TBC1D19: variants seen among roughly 807,000 people sequenced by gnomAD.
TBC1D19 encodes the protein TBC1 domain family, member 19.
TBC1D19 carries 60 observed loss-of-function variants against 89.0 expected under a neutral mutation model. That is an observed-to-expected ratio of 0.67 (90% CI 0.55 to 0.84). TBC1D19 has a LOEUF of 0.84. Among genes scored for constraint, TBC1D19 ranks in the 40% least tolerant of loss-of-function variants. TBC1D19 has a pLI of 0.00. For synonymous variants in TBC1D19, 189 were observed against 199.7 expected (o/e 0.95, Z 0.45); for missense variants, 500 against 610.8 (o/e 0.82, Z 1.91).
chr4:26,740,018 T>A (rs941568110), intron 17 of TBC1D19, 45 bp downstream of exon 17: 1 of 1,261,734 alleles, frequency 7.9e-7, no homozygotes, highest in African/African-American at 1.5e-5. Context: ...TGGATTGTAA[T>A]CTATTCTTTC....
chr4:26,835,065 T>C, the TBC1D19 span, among the ~76,000 whole-genome samples: 20 of 152,342 alleles, frequency 1.3e-4, no homozygotes, highest in East Asian at 3.7e-3. Context: ...TGTTGTCTTA[T>C]GTGGCAAAAG....
At chr4:26,819,100 G>A in the TBC1D19 span, among the ~76,000 whole-genome samples, 1 of 152,214 alleles carries the variant, frequency 6.6e-6, no homozygotes, top group African/African-American at 2.4e-5. Context: ...TGGGGCAGCC[G>A]CTGGAAGCAA....
At chr4:26,648,730 C>T (rs1190161279) in intron 7 of TBC1D19, among the ~76,000 whole-genome samples, 1 of 152,136 alleles carries the variant, frequency 6.6e-6, no homozygotes, top group Non-Finnish European at 1.5e-5. Flanking sequence ...AAAAAACTGC[C>T]TTTATGATGA....
At chr4:26,778,252 A>G in the TBC1D19 span, among the ~76,000 whole-genome samples, 2 of 151,976 alleles carry the variant, frequency 1.3e-5, no homozygotes, top group Non-Finnish European at 2.9e-5. Context: ...CGTCTCTACT[A>G]AAAAATAGAA....
the TBC1D19 span, among the ~76,000 whole-genome samples, chr4:26,797,033 G>A: frequency 6.6e-6 from 1 of 152,116 alleles, no homozygotes; most frequent in Admixed American, 6.6e-5. Flanking sequence ...AAGTCATAGA[G>A]CAATCAGGCA....
intron 15 of TBC1D19, among the ~76,000 whole-genome samples, chr4:26,724,600 G>A (rs1480503200): frequency 6.6e-6 from 1 of 152,258 alleles, no homozygotes; most frequent in South Asian, 2.1e-4. Flanking sequence ...ATTTGACAGA[G>A]ATTTTCTTAA....
At chr4:26,692,308 G>T (rs145587673) in intron 13 of TBC1D19, among the ~76,000 whole-genome samples, 17 of 152,272 alleles carry the variant, frequency 1.1e-4, no homozygotes, top group African/African-American at 4.1e-4. Context: ...CCTTCCCATA[G>T]GGCAGAGATC....
the TBC1D19 span, among the ~76,000 whole-genome samples, chr4:26,833,506 C>T: frequency 1.3e-5 from 2 of 152,174 alleles, no homozygotes; most frequent in African/African-American, 4.8e-5. Flanking sequence ...ATAGTTTTGT[C>T]TTTTCCAGAA....
intron 8 of TBC1D19, among the ~76,000 whole-genome samples, chr4:26,660,797 T>C (rs1056469056): frequency 1.3e-5 from 2 of 152,228 alleles, no homozygotes; most frequent in African/African-American, 4.8e-5. Context: ...TACAGAGGTA[T>C]GAATCTCAGC....
chr4:26,613,307 T>C (rs1462434150), intron 2 of TBC1D19, 66 bp downstream of exon 2: 6 of 1,069,548 alleles, frequency 5.6e-6, no homozygotes, highest in Non-Finnish European at 6.7e-6. Context: ...CCTAATTCTT[T>C]AAGCCCTCAA....
At chr4:26,831,129 T>C in the TBC1D19 span, among the ~76,000 whole-genome samples, 45 of 152,272 alleles carry the variant, frequency 3.0e-4, no homozygotes, top group African/African-American at 9.9e-4. Flanking sequence ...AGGTTTTCTC[T>C]AGGGAAAAAA....
At chr4:26,817,317 C>T in the TBC1D19 span, among the ~76,000 whole-genome samples, 1 of 152,146 alleles carries the variant, frequency 6.6e-6, no homozygotes, top group Non-Finnish European at 1.5e-5. Flanking sequence ...AGCAACAGCT[C>T]ATACTTTTAC....
At chr4:26,857,657 T>TG in the TBC1D19 span, 613 of 152,064 alleles carry the variant, frequency 4.0e-3, 7 homozygotes, top group African/African-American at 0.014. Context: ...CTCGCGCACC[T>TG]GGGGGAAGCC....
At chr4:26,679,314 C>T (rs1236117546) in intron 11 of TBC1D19, among the ~76,000 whole-genome samples, 2 of 152,156 alleles carry the variant, frequency 1.3e-5, no homozygotes, top group African/African-American at 4.8e-5. Flanking sequence ...CCAGCCATGA[C>T]TAAAAGGGGC....
chr4:26,711,268 T>G (rs565156776), intron 13 of TBC1D19, among the ~76,000 whole-genome samples: 261 of 152,254 alleles, frequency 1.7e-3, no homozygotes, highest in African/African-American at 6.1e-3. Flanking sequence ...CCAGCACCAT[T>G]TATTAAATAG....
At chr4:26,643,879 A>C (rs1194125346) in intron 7 of TBC1D19, among the ~76,000 whole-genome samples, 1 of 152,042 alleles carries the variant, frequency 6.6e-6, no homozygotes, top group Non-Finnish European at 1.5e-5. Flanking sequence ...CAAACCAGGA[A>C]GTTGAATCAC....
the TBC1D19 span, among the ~76,000 whole-genome samples, chr4:26,763,265 AG>A: frequency 3.3e-5 from 5 of 152,158 alleles, no homozygotes; most frequent in Admixed American, 2.0e-4. Context: ...AGACTGGTTC[AG>A]GCTATAAAGG....
intron 20 of TBC1D19, 47 bp from the exon 21 acceptor site, chr4:26,754,826 A>G (rs770745024): frequency 6.8e-7 from 1 of 1,460,140 alleles, no homozygotes. Context: ...ACCTTATTTC[A>G]TAGACTTCGC....
intron 1 of TBC1D19, among the ~76,000 whole-genome samples, chr4:26,606,844 A>T (rs1741041210): frequency 6.6e-6 from 1 of 152,102 alleles, no homozygotes; most frequent in South Asian, 2.1e-4. Context: ...CTTTCTGTAG[A>T]ACTTCCTATG....
Sources: gnomAD v4.1 joint callset for allele counts (sites outside exome capture counted in the v4.1 genomes callset) on GRCh38, gnomAD v4.1.1 for gene constraint, MANE v1.5 for transcripts, NCBI Gene and HGNC (gene_info 2026-07-23, HGNC 2026-07-21) for gene names.